Variants in SAMD4A observed in about 807,000 individuals in gnomAD.
SAMD4A encodes protein Smaug homolog 1.
SAMD4A carries 33 observed loss-of-function variants against 81.3 expected under a neutral mutation model. That is an observed-to-expected ratio of 0.41 (90% CI 0.31 to 0.54). SAMD4A has a LOEUF of 0.54. SAMD4A is among the 20% of genes least tolerant of loss of function. The pLI is 0.37. For synonymous variants in SAMD4A, 389 were observed against 382.1 expected, an observed-to-expected ratio of 1.02 and a Z score of -0.21; for missense variants, 854 against 951.1, an observed-to-expected ratio of 0.90 and a Z score of 1.34.
chr14:54,770,093 TG>T lies in SAMD4A; in HGVS notation c.1597-10del. ...GCGTCACCCATTTAAAAGTCCTGTT[TG>T]TTTTTGCAGGCATTTACAGAGACAC... is the stretch of plus-strand genomic sequence containing the variant. On this transcript the variant is annotated splice_polypyrimidine_tract_variant and intron_variant, in intron 8 of 12. Coordinates refer to ENST00000554335, the MANE Select transcript of SAMD4A (RefSeq NM_015589.6). 1.3e-6 allele frequency: 2 copies of T among 1,578,838 alleles called. No individual in the cohort carries two copies. Among genetic ancestry groups the T allele is most frequent in the Non-Finnish European group, 1.7e-6 (2 of 1,148,538 alleles).
intron 12 of SAMD4A, among the ~76,000 whole-genome samples, 156 bp from the exon 13 acceptor site, chr14:54,788,760 T>C (rs1032881449): frequency 2.6e-5 from 4 of 152,252 alleles, no homozygotes; most frequent in African/African-American, 4.8e-5. Flanking sequence ...CCAGATATCA[T>C]GTGGGTGGGT....
At chr14:54,596,104 G>C (rs868801690) in intron 2 of SAMD4A, among the ~76,000 whole-genome samples, 1 of 152,140 alleles carries the variant, frequency 6.6e-6, no homozygotes. Flanking sequence ...GGTATGTGGC[G>C]TGGGAAGAGT....
chr14:54,592,366 T>G (rs2033800434), intron 2 of SAMD4A, among the ~76,000 whole-genome samples: 1 of 152,228 alleles, frequency 6.6e-6, no homozygotes, highest in Admixed American at 6.5e-5. Flanking sequence ...TGCTACACTT[T>G]CTTCTCCTCT....
chr14:54,672,006 T>C (rs1193127302), intron 2 of SAMD4A, among the ~76,000 whole-genome samples: 2 of 133,348 alleles, frequency 1.5e-5, no homozygotes, highest in Non-Finnish European at 3.1e-5. Context: ...ACTGCTTCCT[T>C]TTCTGTTTAT....
intron 11 of SAMD4A, among the ~76,000 whole-genome samples, chr14:54,777,755 G>A (rs533730359): frequency 2.6e-5 from 4 of 152,106 alleles, no homozygotes; most frequent in Admixed American, 2.6e-4. Flanking sequence ...TGTCAGGGAG[G>A]GGAGCGACAG....
intron 4 of SAMD4A, among the ~76,000 whole-genome samples, chr14:54,746,925 C>A (rs186372690): frequency 6.6e-6 from 1 of 152,204 alleles, no homozygotes; most frequent in Non-Finnish European, 1.5e-5. Flanking sequence ...TAGTTAAAAT[C>A]AGTGCCGCTC....
At chr14:54,663,563 T>C (rs548702377) in intron 2 of SAMD4A, among the ~76,000 whole-genome samples, 2 of 152,330 alleles carry the variant, frequency 1.3e-5, no homozygotes, top group Non-Finnish European at 2.9e-5. Context: ...GTCCTATTTG[T>C]AGCATTGTAC....
chr14:54,774,566 A>C (rs775983873), intron 9 of SAMD4A, among the ~76,000 whole-genome samples: 1 of 151,730 alleles, frequency 6.6e-6, no homozygotes, highest in African/African-American at 2.4e-5. Flanking sequence ...TGTAGTCCCA[A>C]CTACTCAAGA....
chr14:54,760,879 C>T (rs1038753249), intron 7 of SAMD4A, among the ~76,000 whole-genome samples: 8 of 152,122 alleles, frequency 5.3e-5, no homozygotes, highest in South Asian at 2.1e-4. Flanking sequence ...AAAGCAAAAG[C>T]GGCAGAAAAT....
At chr14:54,727,787 A>G (rs1418795919) in intron 3 of SAMD4A, among the ~76,000 whole-genome samples, 3 of 152,284 alleles carry the variant, frequency 2.0e-5, no homozygotes, top group South Asian at 2.1e-4. Flanking sequence ...ATGAGGGTCA[A>G]TGGTATATAG....
chr14:54,625,529 G>C (rs113874763), intron 2 of SAMD4A, among the ~76,000 whole-genome samples: 1 of 152,204 alleles, frequency 6.6e-6, no homozygotes, highest in African/African-American at 2.4e-5. Context: ...CCCAGGTGGG[G>C]CTTGTTTATT....
intron 6 of SAMD4A, among the ~76,000 whole-genome samples, chr14:54,751,763 G>A (rs1249495508): frequency 6.6e-6 from 1 of 152,202 alleles, no homozygotes; most frequent in African/African-American, 2.4e-5. Flanking sequence ...AGGCTGCCTT[G>A]CCTGGCCGTC....
At chr14:54,587,623 T>C (rs2033659452) in intron 2 of SAMD4A, among the ~76,000 whole-genome samples, 1 of 152,216 alleles carries the variant, frequency 6.6e-6, no homozygotes, top group African/African-American at 2.4e-5. Flanking sequence ...TCAAATGCTG[T>C]TTCTGCATCT....
At position 54,782,788 on chromosome 14, in the gene SAMD4A, A is replaced by G. The variant is rs185063058; in HGVS notation, c.2045-1749A>G. ...CACATTGCAGAGATTATCTTAATGT[A>G]TAGCAAATCAAGGAAAACAAAACTT... On this transcript the variant is annotated intron_variant, in intron 11 of 12. Coordinates refer to ENST00000554335, the MANE Select transcript of SAMD4A (RefSeq NM_015589.6). Among the ~76,000 whole-genome samples, 441 of 152,368 alleles carry G rather than the reference A, an allele frequency of 2.9e-3. 1 individual carries two copies. Among genetic ancestry groups the G allele is most frequent in the Non-Finnish European group, 5.1e-3 (350 of 68,038 alleles).
At chr14:54,746,523 T>C (rs1355046313) in intron 4 of SAMD4A, among the ~76,000 whole-genome samples, 1 of 152,208 alleles carries the variant, frequency 6.6e-6, no homozygotes, top group Non-Finnish European at 1.5e-5. Flanking sequence ...TTCTAACTTG[T>C]CAAAATAGTT....
At chr14:54,581,027 T>C (rs777198300) in intron 2 of SAMD4A, among the ~76,000 whole-genome samples, 86 of 152,248 alleles carry the variant, frequency 5.6e-4, no homozygotes, top group Non-Finnish European at 1.0e-3. Context: ...AAATAGATGC[T>C]GGTTTCCCCT....
intron 3 of SAMD4A, among the ~76,000 whole-genome samples, chr14:54,734,279 C>G (rs1447754665): frequency 6.6e-6 from 1 of 152,222 alleles, no homozygotes; most frequent in Non-Finnish European, 1.5e-5. Context: ...CAGCCTGGCT[C>G]TAAACCCACG....
At chr14:54,710,825 A>G (rs943868270) in intron 3 of SAMD4A, among the ~76,000 whole-genome samples, 1 of 152,108 alleles carries the variant, frequency 6.6e-6, no homozygotes, top group Non-Finnish European at 1.5e-5. Flanking sequence ...CTCCTTGGGG[A>G]TAGGGGTTGT....
intron 3 of SAMD4A, among the ~76,000 whole-genome samples, chr14:54,711,861 A>G (rs531136022): frequency 1.3e-5 from 2 of 152,106 alleles, no homozygotes; most frequent in African/African-American, 2.4e-5. Context: ...CTGCTACGGG[A>G]AAAAAACCTC....
Sources: gnomAD v4.1 joint callset for allele counts (sites outside exome capture counted in the v4.1 genomes callset) on GRCh38, gnomAD v4.1.1 for gene constraint, MANE v1.5 for transcripts, NCBI Gene and HGNC (gene_info 2026-07-23, HGNC 2026-07-21) for gene names.